NINJ2: variants seen among roughly 807,000 people sequenced by gnomAD.
The protein encoded by NINJ2 is ninjurin-2.
NINJ2 carries 12 observed loss-of-function variants against 11.7 expected under a neutral mutation model. The observed-to-expected ratio is 1.02, with a 90% CI of 0.66 to 1.66. NINJ2 has a LOEUF of 1.66. NINJ2 is among the 40% of genes most tolerant of loss of function. The pLI is 0.00. For missense variants in NINJ2, 187 were observed against 181.8 expected (o/e 1.03, Z -0.16); for synonymous variants, 93 against 76.8 (o/e 1.21, Z -1.10).
At chr12:610,253 G>T in intron 1 of NINJ2, 1 of 1,044,974 alleles carries the variant, frequency 9.6e-7, no homozygotes, top group Non-Finnish European at 1.4e-6. Context: ...GAGTGAAACA[G>T]CCCCTCTGGC....
Position 585,027 on chromosome 12 carries a change from G to A in NINJ2, c.34-18849C>T, listed in dbSNP as rs1301657146. On this transcript the variant is annotated intron_variant, in intron 1 of 3. Transcript: ENST00000305108. This position sits in a 1 kb window ranked among gnomAD's most constrained non-coding sequence, Gnocchi z 4.1. ...CCACCTACTTGGGAGGCTGAGGCAG[G>A]AGAATCACTTGAACCGGGGAGGCGG... Among the ~76,000 whole-genome samples the A allele has an allele frequency of 1.3e-5, 2 of 152,202 alleles. No homozygotes were observed. The highest frequency in any genetic ancestry group is 1.3e-4 in the Admixed American group (2 of 15,286).
intron 1 of NINJ2, among the ~76,000 whole-genome samples, chr12:656,818 A>G (rs1937879776): frequency 6.6e-6 from 1 of 152,180 alleles, no homozygotes; most frequent in Non-Finnish European, 1.5e-5. Flanking sequence ...GAATAGACAA[A>G]TAGATCAATG....
At chr12:577,427 A>ATATGTGTG (rs1555161804) in intron 1 of NINJ2, among the ~76,000 whole-genome samples, 1 of 62,610 alleles carries the variant, frequency 1.6e-5, no homozygotes, top group Admixed American at 1.3e-4. Flanking sequence ...ATATATATAT[A>ATATGTGTG]TACATATATA....
intron 1 of NINJ2, among the ~76,000 whole-genome samples, chr12:631,333 C>G (rs752820257): frequency 2.1e-4 from 32 of 152,134 alleles, no homozygotes; most frequent in Non-Finnish European, 4.4e-4. Context: ...CACCTGAGAG[C>G]TGCCTCTACC....
rs141291263 is a variant in NINJ2, at chr12:640,204, G to A, written c.33+23124C>T. ...GAGCAGTCAGTCACATGATTACCAA[G>A]GTATTGAGATGGAAGAACTGGGCAT... is the stretch of plus-strand genomic sequence containing the variant. On this transcript the variant is annotated intron_variant, in intron 1 of 3. Transcript: ENST00000305108. The surrounding 1 kb of genome is among the most constrained non-coding windows in gnomAD (Gnocchi z 4.0). Among the ~76,000 whole-genome samples the A allele has an allele frequency of 1.3e-5, 2 of 152,310 alleles. No homozygotes were observed. The highest frequency in any genetic ancestry group is 1.9e-4 in the East Asian group (1 of 5,190).
rs1937625208 is a variant in NINJ2 at position 643,432 on chromosome 12, G to T, written c.33+19896C>A. 4 of 987,986 alleles carry T rather than the reference G, an allele frequency of 4.0e-6. No homozygotes were observed. In the African/African-American group the frequency reaches 7.0e-5, roughly 17 times the overall value. 61.2% of individuals were successfully genotyped at this position (987,986 alleles called of 1,614,324 possible). On this transcript the variant is annotated intron_variant, in intron 1 of 3. Coordinates refer to ENST00000305108, the MANE Select transcript of NINJ2 (RefSeq NM_016533.6). ...CTCGGGCCTACATCCGCTCCGCCGCGACGCGGCTCACAAACTAGGGAGGGG... is the reference window on the plus strand; with the variant it reads ...CTCGGGCCTACATCCGCTCCGCCGCTACGCGGCTCACAAACTAGGGAGGGG...
chr12:634,908 C>T (rs1948329720), intron 1 of NINJ2, among the ~76,000 whole-genome samples: 1 of 152,104 alleles, frequency 6.6e-6, no homozygotes, highest in African/African-American at 2.4e-5. Flanking sequence ...AGAAACCATA[C>T]ACTTCTTTTT....
intron 1 of NINJ2, among the ~76,000 whole-genome samples, chr12:598,784 C>G (rs967788400): frequency 6.6e-6 from 1 of 152,032 alleles, no homozygotes; most frequent in South Asian, 2.1e-4. Flanking sequence ...ACTGGAGCCC[C>G]GACTTCCTGG....
chr12:624,915 C>A (rs1948195346), intron 1 of NINJ2, among the ~76,000 whole-genome samples: 1 of 151,756 alleles, frequency 6.6e-6, no homozygotes, highest in Non-Finnish European at 1.5e-5. Context: ...TCGAGACCAG[C>A]CTGGCCAACA....
chr12:656,767 C>T (rs1332269123), intron 1 of NINJ2, among the ~76,000 whole-genome samples: 2 of 150,872 alleles, frequency 1.3e-5, no homozygotes, highest in Non-Finnish European at 3.0e-5. Context: ...AAAAAAATTA[C>T]TGTAAAGCTA....
At chr12:653,645 G>A (rs917046468) in intron 1 of NINJ2, among the ~76,000 whole-genome samples, 1 of 151,914 alleles carries the variant, frequency 6.6e-6, no homozygotes, top group Admixed American at 6.6e-5. Flanking sequence ...CACTATGAAT[G>A]GAGATAAAAC....
chr12:565,955 A>G lies in NINJ2; in HGVS notation c.257T>C (p.Val86Ala). The change falls in exon 2 of 4, where the codon GTC becomes GCC. Residue 86 changes from valine to alanine, a missense_variant. Physicochemically the swap from Val to Ala is moderately conservative, Grantham distance 64. Transcript: ENST00000305108. Reference protein sequence around the residue: ...LQVVIGVLLVVIARLNLNEVE... With the variant: ...LQVVIGVLLVAIARLNLNEVE... ...CTGCAGGCTGGGCTCCTCACCAATG[A>G]CCACGAGCAGGACACCGATGACCAC... 1.2e-6 allele frequency: 2 copies of G among 1,614,058 alleles called. No individual in the cohort carries two copies. Among genetic ancestry groups the G allele is most frequent in the South Asian group, 2.2e-5 (2 of 91,080 alleles).
rs934167348 is a variant in NINJ2 at position 614,526 on chromosome 12, G to A, written c.34-48348C>T. On this transcript the variant is annotated intron_variant, in intron 1 of 3. Transcript: ENST00000305108. The surrounding 1 kb of genome is among the most constrained non-coding windows in gnomAD (Gnocchi z 5.1). ...CAGCAGATGGCACTCTTCCCTCACAGTCCTGCCGGGCCTGGCTCCCTCCCT... is the reference window on the plus strand; with the variant it reads ...CAGCAGATGGCACTCTTCCCTCACAATCCTGCCGGGCCTGGCTCCCTCCCT... 6.6e-6 allele frequency among the ~76,000 whole-genome samples: 1 copy of A among 152,196 alleles called. No homozygotes were observed. The highest frequency in any genetic ancestry group is 6.5e-5 in the Admixed American group (1 of 15,274).
rs375999188 is a variant in NINJ2, at chr12:634,474, T to C, written c.33+28854A>G. Among the ~76,000 whole-genome samples the C allele has an allele frequency of 7.9e-5, 12 of 152,160 alleles. No individual in the cohort carries two copies. The South Asian group carries it at 2.5e-3, about 32-fold the overall frequency. On this transcript the variant is annotated intron_variant, in intron 1 of 3. Coordinates refer to ENST00000305108, the MANE Select transcript of NINJ2 (RefSeq NM_016533.6). ...CGGAATTTCACCATGTTGGCCAGAATGGTCTTGAACTTCTGACCTCGTGAT... is the reference window on the plus strand; with the variant it reads ...CGGAATTTCACCATGTTGGCCAGAACGGTCTTGAACTTCTGACCTCGTGAT...
intron 1 of NINJ2, chr12:642,939 C>A (rs1172203617): frequency 1.4e-5 from 2 of 147,844 alleles, no homozygotes; most frequent in East Asian, 2.0e-4. Flanking sequence ...GCCCCGGCCG[C>A]CCCCACGCCC....
chr12:569,564 C>A (rs902001579), intron 1 of NINJ2, among the ~76,000 whole-genome samples: 3 of 152,210 alleles, frequency 2.0e-5, no homozygotes, highest in Non-Finnish European at 4.4e-5. Flanking sequence ...CCCTTCCCCC[C>A]AAATGTATCG....
chr12:599,687 T>C (rs1012215819), intron 1 of NINJ2, among the ~76,000 whole-genome samples: 2 of 152,084 alleles, frequency 1.3e-5, no homozygotes, highest in Admixed American at 1.3e-4. Context: ...CTCAGTAGAG[T>C]TGGGAGATTA....
At chr12:631,507 G>C (rs1221560382) in intron 1 of NINJ2, among the ~76,000 whole-genome samples, 1 of 152,168 alleles carries the variant, frequency 6.6e-6, no homozygotes, top group Non-Finnish European at 1.5e-5. Context: ...GGGAGTACAG[G>C]CGCGCGCCAC....
chr12:599,321 T>C (rs1311775502), intron 1 of NINJ2, among the ~76,000 whole-genome samples: 1 of 151,720 alleles, frequency 6.6e-6, no homozygotes, highest in Non-Finnish European at 1.5e-5. Context: ...GAGGCGGAGG[T>C]TGCAGTGAGC....
Sources: allele counts gnomAD v4.1 joint callset (sites outside exome capture counted in the v4.1 genomes callset), GRCh38; gene constraint gnomAD v4.1.1; non-coding constraint Gnocchi (gnomAD v3.1); transcripts MANE v1.5; gene names NCBI Gene and HGNC (gene_info 2026-07-23, HGNC 2026-07-21).